The following TEC variants were observed in gnomAD, a reference collection of about 807,000 sequenced individuals.
TEC encodes tec protein tyrosine kinase.
In TEC, 72 loss-of-function variants were observed where a neutral mutation model predicts 93.0. The observed-to-expected ratio is 0.77, with a 90% CI of 0.64 to 0.94. The LOEUF (loss-of-function observed/expected upper bound fraction) is 0.94. Ranked by LOEUF, TEC falls within the 40% of genes least tolerant of loss-of-function variation. TEC has a pLI of 0.00. For synonymous variants in TEC, 249 were observed against 247.7 expected, an observed-to-expected ratio of 1.01 and a Z score of -0.05; for missense variants, 630 against 757.9, an observed-to-expected ratio of 0.83 and a Z score of 1.98.
intron 1 of TEC, among the ~76,000 whole-genome samples, chr4:48,235,313 A>G (rs1246001694): frequency 6.6e-6 from 1 of 152,184 alleles, no homozygotes; most frequent in Non-Finnish European, 1.5e-5. Flanking sequence ...GGCCTAGTAC[A>G]GGAGCTCAGT....
chr4:48,152,524 T>C (rs1164652034), intron 9 of TEC, among the ~76,000 whole-genome samples: 1 of 152,198 alleles, frequency 6.6e-6, no homozygotes, highest in Non-Finnish European at 1.5e-5. Context: ...TATTCTGTTC[T>C]AATGTTCTAG....
chr4:48,144,433 T>G (rs1719817295), intron 14 of TEC, among the ~76,000 whole-genome samples: 2 of 152,164 alleles, frequency 1.3e-5, no homozygotes, highest in South Asian at 4.2e-4. Context: ...GTGCTACTGA[T>G]AGCTGAAAGC....
chr4:48,156,819 C>A (rs1560379800), intron 8 of TEC, 85 bp from the exon 9 acceptor site: 3 of 1,036,968 alleles, frequency 2.9e-6, no homozygotes, highest in South Asian at 1.8e-5. Flanking sequence ...TAATTCTGCT[C>A]ATCAATAATA....
chr4:48,257,444 G>C (rs1724373250), intron 1 of TEC, among the ~76,000 whole-genome samples: 1 of 111,680 alleles, frequency 9.0e-6, no homozygotes, highest in Admixed American at 1.1e-4. Context: ...TTACAAGGAG[G>C]GAAAATATGA....
intron 1 of TEC, among the ~76,000 whole-genome samples, chr4:48,241,559 C>A (rs1460071204): frequency 6.6e-6 from 1 of 152,142 alleles, no homozygotes; most frequent in African/African-American, 2.4e-5. Flanking sequence ...ATGATTCCAG[C>A]CCTTTGTGGT....
chr4:48,140,038 G>A (rs952139101), intron 15 of TEC, among the ~76,000 whole-genome samples: 3 of 152,240 alleles, frequency 2.0e-5, no homozygotes, highest in African/African-American at 7.2e-5. Flanking sequence ...ACAGATGAAA[G>A]CGGCAGACAG....
chr4:48,202,577 C>A (rs2017242), intron 2 of TEC, among the ~76,000 whole-genome samples: 14,325 of 152,100 alleles, frequency 0.094, 738 homozygotes, highest in South Asian at 0.18. Flanking sequence ...ATTTTTATAT[C>A]CTGAAACTTA....
intron 1 of TEC, among the ~76,000 whole-genome samples, chr4:48,267,009 G>A (rs549903859): frequency 6.6e-6 from 1 of 152,222 alleles, no homozygotes; most frequent in African/African-American, 2.4e-5. Flanking sequence ...TCCACAGTGG[G>A]AAGTCAACAG....
chr4:48,171,485 A>G (rs1275176404), intron 3 of TEC, 36 bp from the exon 4 acceptor site: 2 of 1,558,006 alleles, frequency 1.3e-6, no homozygotes, highest in African/African-American at 1.4e-5. Context: ...GGTGAAGAGG[A>G]CTTAGACACA....
At chr4:48,180,737 T>C (rs994201225) in intron 2 of TEC, among the ~76,000 whole-genome samples, 3 of 152,070 alleles carry the variant, frequency 2.0e-5, no homozygotes, top group African/African-American at 7.2e-5. Flanking sequence ...TGAGGCCACA[T>C]TAGGAAGATG....
chr4:48,239,656 T>C (rs1010341961), intron 1 of TEC, among the ~76,000 whole-genome samples: 8 of 152,198 alleles, frequency 5.3e-5, no homozygotes, highest in South Asian at 4.1e-4. Flanking sequence ...GAAACATTCA[T>C]CCGTGTCTAT....
chr4:48,225,157 A>G (rs1349200660), intron 2 of TEC, among the ~76,000 whole-genome samples: 6 of 151,954 alleles, frequency 3.9e-5, no homozygotes, highest in Admixed American at 6.6e-5. Flanking sequence ...CTCATGTCAC[A>G]TCCTTTTTTT....
At chr4:48,178,644 A>G (rs947099930) in intron 2 of TEC, among the ~76,000 whole-genome samples, 7 of 152,146 alleles carry the variant, frequency 4.6e-5, no homozygotes, top group African/African-American at 7.2e-5. Flanking sequence ...GGACTCATGG[A>G]GCCAAGTCCC....
intron 1 of TEC, among the ~76,000 whole-genome samples, chr4:48,237,050 G>T (rs1723805502): frequency 6.6e-6 from 1 of 152,120 alleles, no homozygotes; most frequent in African/African-American, 2.4e-5. Flanking sequence ...TAAGAAAATA[G>T]GCCAGGTGCG....
intron 2 of TEC, among the ~76,000 whole-genome samples, chr4:48,189,260 A>G (rs1722007034): frequency 6.6e-6 from 1 of 152,134 alleles, no homozygotes; most frequent in African/African-American, 2.4e-5. Context: ...GTTATTTTGT[A>G]CCTGTATTCC....
At chr4:48,198,828 C>G (rs1577745550) in intron 2 of TEC, among the ~76,000 whole-genome samples, 1 of 152,198 alleles carries the variant, frequency 6.6e-6, no homozygotes, top group Admixed American at 6.5e-5. Context: ...CTAAAAAAGG[C>G]CACAGAGCCC....
chr4:48,172,739 T>C (rs891171487), intron 3 of TEC, among the ~76,000 whole-genome samples: 3 of 152,186 alleles, frequency 2.0e-5, no homozygotes, highest in Non-Finnish European at 4.4e-5. Context: ...AGAAATACCT[T>C]ATTACAAGAC....
intron 15 of TEC, among the ~76,000 whole-genome samples, chr4:48,140,773 T>G (rs1719624856): frequency 6.6e-6 from 1 of 152,204 alleles, no homozygotes; most frequent in Non-Finnish European, 1.5e-5. Flanking sequence ...GAGGTTTGGG[T>G]CAGACTGACA....
chr4:48,188,889 G>A (rs1024084568), intron 2 of TEC, among the ~76,000 whole-genome samples: 3 of 152,020 alleles, frequency 2.0e-5, no homozygotes, highest in Non-Finnish European at 4.4e-5. Flanking sequence ...GTGTGTGTGT[G>A]CGCGCCCATG....
Sources: allele counts gnomAD v4.1 joint callset (sites outside exome capture counted in the v4.1 genomes callset), GRCh38; gene constraint gnomAD v4.1.1; transcripts MANE v1.5; gene names NCBI Gene and HGNC (gene_info 2026-07-23, HGNC 2026-07-21).